Variants in BIRC6 observed in about 807,000 individuals in gnomAD.
BIRC6 encodes dual E2 ubiquitin-conjugating enzyme/E3 ubiquitin-protein ligase BIRC6.
A neutral mutation model predicts 503.3 loss-of-function variants in BIRC6; 98 were observed. The observed-to-expected ratio is 0.19, with a 90% CI of 0.17 to 0.23. The LOEUF (loss-of-function observed/expected upper bound fraction) is 0.23, where lower values mean the gene tolerates loss of function less well. BIRC6 is among the 10% of genes least tolerant of loss of function. The pLI is 1.00. For synonymous variants in BIRC6, 2,240 were observed against 2,078.7 expected, an observed-to-expected ratio of 1.08 and a Z score of -2.11; for missense variants, 5,360 against 5,806.0, an observed-to-expected ratio of 0.92 and a Z score of 2.50.
chr2:32,584,262 G>C (rs2060882207), intron 66 of BIRC6, among the ~76,000 whole-genome samples: 1 of 152,112 alleles, frequency 6.6e-6, no homozygotes, highest in Non-Finnish European at 1.5e-5. Flanking sequence ...GGGTGCAGTG[G>C]CTCTCACCTT....
chr2:32,467,316 C>G (rs923096318), intron 26 of BIRC6, among the ~76,000 whole-genome samples: 1 of 152,140 alleles, frequency 6.6e-6, no homozygotes, highest in East Asian at 1.9e-4. Context: ...TTTCTACTTA[C>G]GTCTTGGGGT....
Position 32,415,883 on chromosome 2 carries a change from C to G in BIRC6, c.2592C>G (p.Pro864=). ...DTITSLILLP[P]DILDNREDDC... is the part of the protein sequence containing the mutation. ...TTACCTCGCTCATTTTGCTTCCACC[C>G]GATATATTGGATAATCGAGAGGATG... is the stretch of plus-strand genomic sequence containing the variant. The change falls in exon 10 of 74, where the codon CCC becomes CCG. Residue 864 remains proline (P), a synonymous_variant. Coordinates refer to ENST00000421745, the MANE Select transcript of BIRC6 (RefSeq NM_016252.4). The G allele has an allele frequency of 6.2e-7, 1 of 1,613,876 alleles. No homozygotes were observed. Among genetic ancestry groups the G allele is most frequent in the African/African-American group, 1.3e-5 (1 of 74,982 alleles).
In BIRC6 at chr2:32,493,911, T is replaced by G. The variant is rs141925276; in HGVS notation, c.8468+244T>G. Among the ~76,000 whole-genome samples, 149 of 152,330 alleles carry G rather than the reference T, an allele frequency of 9.8e-4. 1 individual carries two copies. The highest frequency in any genetic ancestry group is 1.7e-3 in the Non-Finnish European group (114 of 68,016). On this transcript the variant is annotated intron_variant, in intron 45 of 73. Coordinates refer to ENST00000421745, the MANE Select transcript of BIRC6 (RefSeq NM_016252.4). Reference sequence around the variant, plus strand: ...GAAAGGAATACAGTTGACTTGCTTTTAATGGTTTTATAGATTAGTTATTAT... The same window carrying G: ...GAAAGGAATACAGTTGACTTGCTTTGAATGGTTTTATAGATTAGTTATTAT...
intron 61 of BIRC6, chr2:32,532,057 G>C: frequency 1.9e-6 from 1 of 517,140 alleles, no homozygotes; most frequent in South Asian, 1.4e-5. Flanking sequence ...TAGGAAGTAT[G>C]GTGCATGGAG....
In BIRC6 at chr2:32,392,082, T is replaced by C; in HGVS notation, c.883T>C (p.Ser295Pro). ...AGCTAACAGACGGGAGACATTTACC[T>C]CATGGCCTCATGTAGGCTATAGGTG... ...SEANRRETFT[S>P]WPHVGYRWAQ... is the part of the protein sequence containing the mutation. Residue 295 changes from serine to proline, a missense_variant, in exon 5 of 74, where the codon TCA becomes CCA. Ser to Pro is a moderately conservative substitution (Grantham distance 74). This residue lies in a region of BIRC6 where 92 missense variants were observed against 176.7 expected (regional missense o/e 0.52). Coordinates refer to ENST00000421745, the MANE Select transcript of BIRC6 (RefSeq NM_016252.4). The C allele has an allele frequency of 6.3e-7, 1 of 1,597,768 alleles. No homozygotes were observed. Among genetic ancestry groups the C allele is most frequent in the Non-Finnish European group, 8.5e-7 (1 of 1,171,482 alleles).
intron 68 of BIRC6, among the ~76,000 whole-genome samples, chr2:32,596,843 A>G (rs2061709436): frequency 6.6e-6 from 1 of 152,244 alleles, no homozygotes; most frequent in Non-Finnish European, 1.5e-5. Context: ...CCAGAAAGTC[A>G]TTTCATGTAT....
chr2:32,449,647 A>G (rs1157240982), intron 22 of BIRC6, among the ~76,000 whole-genome samples: 2 of 152,206 alleles, frequency 1.3e-5, no homozygotes, highest in African/African-American at 2.4e-5. Flanking sequence ...GAGAAGTTCA[A>G]TTTTGTTGAA....
chr2:32,509,728 G>C lies in BIRC6; in HGVS notation c.9981-10G>C. 6.2e-7 allele frequency: 1 copy of C among 1,613,568 alleles called. No individual in the cohort carries two copies. Among genetic ancestry groups the C allele is most frequent in the Non-Finnish European group, 8.5e-7 (1 of 1,179,786 alleles). Reference sequence around the variant, plus strand: ...TTATATTGATCATACAAGTCATTTTGTATTTTCAGTATTGGATGGTTACGG... The same window carrying C: ...TTATATTGATCATACAAGTCATTTTCTATTTTCAGTATTGGATGGTTACGG... On this transcript the variant is annotated splice_polypyrimidine_tract_variant and intron_variant, in intron 51 of 73. Transcript: ENST00000421745.
intron 65 of BIRC6, among the ~76,000 whole-genome samples, chr2:32,559,619 T>G (rs1313184529): frequency 1.3e-5 from 2 of 151,962 alleles, no homozygotes; most frequent in African/African-American, 2.4e-5. Context: ...CCGGTACACA[T>G]TAATTTACAA....
At position 32,377,514 on chromosome 2, in the gene BIRC6, A is replaced by G. The variant is rs1288887561; in HGVS notation, c.326-74A>G. The G allele has an allele frequency of 3.3e-6, 4 of 1,218,566 alleles. No homozygotes were observed. The East Asian group carries it at 7.8e-5, about 24-fold the overall frequency. The allele number at this position is 1,218,566 out of a possible 1,614,324, so 75.5% of individuals were successfully genotyped here. On this transcript the variant is annotated intron_variant, in intron 1 of 73. Transcript: ENST00000421745. Reference sequence around the variant, plus strand: ...TCAGGATAATATATTGTGTTTAGTCACTATGTAAACATTTATTTTTAATAG... The same window carrying G: ...TCAGGATAATATATTGTGTTTAGTCGCTATGTAAACATTTATTTTTAATAG...
rs865814092 is a variant in BIRC6, at chr2:32,397,677, C to T, written c.1034+2084C>T. 2.2e-3 allele frequency among the ~76,000 whole-genome samples: 276 copies of T among 127,386 alleles called. 1 individual carries two copies. Among genetic ancestry groups the T allele is most frequent in the African/African-American group, 7.4e-3 (249 of 33,668 alleles). 83.6% of individuals were successfully genotyped at this position (127,386 alleles called of 152,430 possible). Reference sequence around the variant, plus strand: ...ACATATATGTGTATATATATATACACACACACATATATATGTACACACACA... The same window carrying T: ...ACATATATGTGTATATATATATACATACACACATATATATGTACACACACA... On this transcript the variant is annotated intron_variant, in intron 6 of 73. Coordinates refer to ENST00000421745, the MANE Select transcript of BIRC6 (RefSeq NM_016252.4).
At chr2:32,391,834 A>C (rs917736926) in intron 4 of BIRC6, among the ~76,000 whole-genome samples, 1 of 152,236 alleles carries the variant, frequency 6.6e-6, no homozygotes, top group Non-Finnish European at 1.5e-5. Flanking sequence ...TGCAGCCACC[A>C]ATCAGGTTTT....
At chr2:32,443,070 TATACTATG>T (rs1164922211) in intron 19 of BIRC6, among the ~76,000 whole-genome samples, 2 of 152,196 alleles carry the variant, frequency 1.3e-5, no homozygotes, top group Admixed American at 6.5e-5. Flanking sequence ...GTTATAATAA[TATACTATG>T]ATAAAAGTTA....
At chr2:32,481,169 A>G (rs1467792621) in intron 37 of BIRC6, 151 bp from the exon 38 acceptor site, 2 of 587,660 alleles carry the variant, frequency 3.4e-6, no homozygotes, top group South Asian at 3.7e-5. Context: ...TTTATCGTGT[A>G]TTATGGAGCG....
At position 32,369,528 on chromosome 2, in the gene BIRC6, A is replaced by G. The variant is rs1346802310; in HGVS notation, c.326-8060A>G. Among the ~76,000 whole-genome samples, 4 of 151,330 alleles carry G rather than the reference A, an allele frequency of 2.6e-5. No individual in the cohort carries two copies. The East Asian group carries it at 5.9e-4, about 22-fold the overall frequency. On this transcript the variant is annotated intron_variant, in intron 1 of 73. Transcript: ENST00000421745. Reference sequence around the variant, plus strand: ...CTACACCCTCCGCCTCCCGGGTTCAAGCGTTTCTTCTGCTTCAGCCTCCCG... The same window carrying G: ...CTACACCCTCCGCCTCCCGGGTTCAGGCGTTTCTTCTGCTTCAGCCTCCCG...
chr2:32,518,639 G>T (rs2055321232), intron 56 of BIRC6, among the ~76,000 whole-genome samples, 178 bp from the exon 57 acceptor site: 1 of 152,184 alleles, frequency 6.6e-6, no homozygotes, highest in Admixed American at 6.5e-5. Flanking sequence ...ATGAAAAAAG[G>T]TACAGAGTGA....
At chr2:32,453,699 G>GAACA in intron 22 of BIRC6, 109 bp from the exon 23 acceptor site, 1 of 1,052,524 alleles carries the variant, frequency 9.5e-7, no homozygotes, top group Non-Finnish European at 1.4e-6. Context: ...TAAGAGTTGT[G>GAACA]TATTTATATG....
intron 1 of BIRC6, among the ~76,000 whole-genome samples, chr2:32,369,987 T>C (rs1474422678): frequency 4.0e-5 from 2 of 50,346 alleles, no homozygotes; most frequent in South Asian, 9.6e-4. Flanking sequence ...TATATATATG[T>C]ATGTATGTAT....
intron 65 of BIRC6, among the ~76,000 whole-genome samples, chr2:32,568,522 A>T (rs897497121): frequency 2.0e-5 from 3 of 151,226 alleles, no homozygotes; most frequent in African/African-American, 7.3e-5. Context: ...AAATAATATA[A>T]ATATTAATGT....
Sources: gnomAD v4.1 joint callset for allele counts (sites outside exome capture counted in the v4.1 genomes callset) on GRCh38, gnomAD v4.1.1 for gene constraint, gnomAD v4.1.1 regional missense constraint, MANE v1.5 for transcripts, NCBI Gene and HGNC (gene_info 2026-07-23, HGNC 2026-07-21) for gene names.